PRPH2: variants seen among roughly 807,000 people sequenced by gnomAD.
PRPH2 encodes the protein peripherin-2.
Under a neutral mutation model 31.3 loss-of-function variants are expected in PRPH2, and 17 were observed. That is an observed-to-expected ratio of 0.54 (90% CI 0.37 to 0.81). PRPH2 has a LOEUF of 0.81. Ranked by LOEUF, PRPH2 falls within the 40% of genes least tolerant of loss-of-function variation. The pLI is 0.00. For missense variants in PRPH2, 430 were observed against 439.7 expected (o/e 0.98, Z 0.20); for synonymous variants, 165 against 184.4 (o/e 0.89, Z 0.85).
At chr6:42,706,454 A>C (rs1365075317) in intron 1 of PRPH2, among the ~76,000 whole-genome samples, 2 of 151,422 alleles carry the variant, frequency 1.3e-5, no homozygotes, top group Non-Finnish European at 2.9e-5. Context: ...AATACAAAAA[A>C]ATTAGCCAGG....
At chr6:42,705,599 A>AAAAATATAT (rs1562424252) in intron 1 of PRPH2, among the ~76,000 whole-genome samples, 1 of 21,588 alleles carries the variant, frequency 4.6e-5, no homozygotes, top group African/African-American at 1.8e-4. Flanking sequence ...AAAAAAAAAA[A>AAAAATATAT]ATATATATAT....
intron 1 of PRPH2, among the ~76,000 whole-genome samples, chr6:42,715,072 G>C (rs1582774149): frequency 6.6e-6 from 1 of 152,184 alleles, no homozygotes; most frequent in East Asian, 1.9e-4. Flanking sequence ...AGCCAGGCGT[G>C]CTGGCACATG....
At chr6:42,708,457 T>C (rs1191765470) in intron 1 of PRPH2, among the ~76,000 whole-genome samples, 2 of 152,214 alleles carry the variant, frequency 1.3e-5, no homozygotes, top group Non-Finnish European at 2.9e-5. Context: ...GAAGACAAGC[T>C]GGAGCAGTGT....
At chr6:42,700,749 T>G (rs936010701) in intron 2 of PRPH2, among the ~76,000 whole-genome samples, 1 of 152,152 alleles carries the variant, frequency 6.6e-6, no homozygotes, top group Non-Finnish European at 1.5e-5. Context: ...CATCATCTCC[T>G]GACTGGATTG....
intron 1 of PRPH2, among the ~76,000 whole-genome samples, chr6:42,715,828 C>T (rs1378054081): frequency 6.6e-6 from 1 of 152,198 alleles, no homozygotes; most frequent in East Asian, 1.9e-4. Flanking sequence ...GCCCGCCCCT[C>T]CATGCTTACT....
chr6:42,710,166 T>C (rs1800248343), intron 1 of PRPH2, among the ~76,000 whole-genome samples: 1 of 151,856 alleles, frequency 6.6e-6, no homozygotes, highest in Admixed American at 6.6e-5. Context: ...CCCCTCAGAC[T>C]GGGGCTCCCT....
chr6:42,719,757 C>T (rs779675176), intron 1 of PRPH2, among the ~76,000 whole-genome samples: 98 of 151,238 alleles, frequency 6.5e-4, no homozygotes, highest in Non-Finnish European at 1.1e-3. Context: ...TTAGTAGAGA[C>T]GGGGTTTCTC....
At chr6:42,711,678 A>T in intron 1 of PRPH2, 3 of 858,800 alleles carry the variant, frequency 3.5e-6, no homozygotes, top group Non-Finnish European at 4.2e-6. Flanking sequence ...CCCGTCTGAG[A>T]GGGGAGAAAC....
intron 1 of PRPH2, among the ~76,000 whole-genome samples, chr6:42,721,173 G>A (rs1761896362): frequency 6.6e-6 from 1 of 152,088 alleles, no homozygotes; most frequent in Non-Finnish European, 1.5e-5. Context: ...CTAGTGACCT[G>A]CCCAAGGTCA....
At chr6:42,699,190 T>C (rs982109009) in intron 2 of PRPH2, among the ~76,000 whole-genome samples, 2 of 152,068 alleles carry the variant, frequency 1.3e-5, no homozygotes, top group Admixed American at 6.6e-5. Context: ...ATAGCTAACG[T>C]TGCAGGTGCC....
Position 42,704,485 on chromosome 6 carries a change from G to A in PRPH2, c.708C>T (p.Tyr236=), listed in dbSNP as rs61755813. 1.1e-4 allele frequency: 184 copies of A among 1,614,104 alleles called. No individual in the cohort carries two copies. In the African/African-American group the frequency reaches 1.9e-3, roughly 17 times the overall value. The change falls in exon 2 of 3, where the codon TAC becomes TAT. Residue 236 remains tyrosine (Y), a synonymous_variant. Transcript: ENST00000230381. The part of the protein sequence containing the change: ...QITNNSAHYS[Y]DHQTEELNLW... ...GGTTGAGCTCCTCCGTCTGGTGGTC[G>A]TAACTGTAGTGTGCTGAGTTGTTGG...
Position 42,704,354 on chromosome 6 carries a change from C to A in PRPH2, c.828+11G>T. 6.2e-7 allele frequency: 1 copy of A among 1,606,126 alleles called. No homozygotes were observed. Among genetic ancestry groups the A allele is most frequent in the South Asian group, 1.1e-5 (1 of 89,624 alleles). On this transcript the variant is annotated intron_variant, in intron 2 of 2. Transcript: ENST00000230381. ...TCCTTACCCTCTACCCCCAGCTGGC[C>A]CAGGGCCTACCTCGAAGAGCCAAAT...
At chr6:42,704,297 C>A in intron 2 of PRPH2, 68 bp downstream of exon 2, 2 of 1,560,468 alleles carry the variant, frequency 1.3e-6, no homozygotes, top group Non-Finnish European at 1.7e-6. Context: ...CCTGGCTCCG[C>A]CCCCATTAGA....
At chr6:42,705,631 T>TATATATATATATATATATATATATA (rs1562424355) in intron 1 of PRPH2, among the ~76,000 whole-genome samples, 6 of 126,600 alleles carry the variant, frequency 4.7e-5, no homozygotes, top group Non-Finnish European at 1.0e-4. Context: ...TATATATATA[T>TATATATATATATATATATATATATA]TTGTGCACTT....
rs1194051076 is a variant in PRPH2, at chr6:42,699,227, A to AT, written c.829-721dup. Among the ~76,000 whole-genome samples the AT allele has an allele frequency of 1.9e-3, 282 of 151,470 alleles. 3 individuals carry two copies. The East Asian group carries it at 0.021, about 11-fold the overall frequency. The stretch of plus-strand genomic sequence containing the variant: ...GCCACCATACCTGACTAATTTTTGT[A>AT]TTTTTTTGTTGTTATTGTTGTAGAT... On this transcript the variant is annotated intron_variant, in intron 2 of 2. Coordinates refer to ENST00000230381, the MANE Select transcript of PRPH2 (RefSeq NM_000322.5).
intron 1 of PRPH2, among the ~76,000 whole-genome samples, chr6:42,709,020 G>A (rs192698589): frequency 9.9e-4 from 151 of 152,200 alleles, no homozygotes; most frequent in Middle Eastern, 3.4e-3. Flanking sequence ...GCAAGGCCTC[G>A]CCCAAAGCCA....
rs373015247 is a variant in PRPH2, at chr6:42,704,539, C to T, written c.654G>A (p.Ser218=). 8.1e-6 allele frequency: 13 copies of T among 1,613,992 alleles called. No homozygotes were observed. The highest frequency in any genetic ancestry group is 1.7e-5 in the Admixed American group (1 of 59,990). ...GVPFSCCNPS[S]PRPCIQYQIT... is the part of the protein sequence containing the mutation. The stretch of plus-strand genomic sequence containing the variant: ...TCTGATACTGGATGCAGGGCCGTGG[C>T]GAGCTAGGATTGCAGCAGCTGAAAG... The change falls in exon 2 of 3, where the codon TCG becomes TCA. Residue 218 remains serine, a synonymous_variant. Coordinates refer to ENST00000230381, the MANE Select transcript of PRPH2 (RefSeq NM_000322.5).
chr6:42,711,899 C>T, intron 1 of PRPH2: 1 of 985,356 alleles, frequency 1.0e-6, no homozygotes, highest in East Asian at 1.1e-4. Context: ...GCATGTTCTA[C>T]CTCTCACCCC....
At chr6:42,706,250 A>G (rs1194875915) in intron 1 of PRPH2, among the ~76,000 whole-genome samples, 1 of 151,090 alleles carries the variant, frequency 6.6e-6, no homozygotes. Context: ...CTAAATATAC[A>G]AAAAATTAGC....
Sources: allele counts gnomAD v4.1 joint callset (sites outside exome capture counted in the v4.1 genomes callset), GRCh38; gene constraint gnomAD v4.1.1; transcripts MANE v1.5; gene names NCBI Gene and HGNC (gene_info 2026-07-23, HGNC 2026-07-21).